Variants in KSR2 observed in about 807,000 individuals in gnomAD.
KSR2 encodes the protein kinase suppressor of ras 2.
A neutral mutation model predicts 107.8 loss-of-function variants in KSR2; 25 were observed. The observed-to-expected ratio is 0.23, with a 90% CI of 0.17 to 0.32. The LOEUF is 0.32. KSR2 is among the 10% of genes least tolerant of loss of function. KSR2 has a pLI of 1.00. For missense variants in KSR2, 887 were observed against 1,268.9 expected (o/e 0.70, Z 4.57); for synonymous variants, 480 against 507.0 (o/e 0.95, Z 0.71).
At chr12:117,723,354 C>T (rs1390989086) in intron 4 of KSR2, among the ~76,000 whole-genome samples, 1 of 152,160 alleles carries the variant, frequency 6.6e-6, no homozygotes, top group Non-Finnish European at 1.5e-5. Context: ...TCAACCAACC[C>T]ATCACAACAG....
rs534253629 is a variant in KSR2, at chr12:117,601,686, T to C, written c.1172-19327A>G. Among the ~76,000 whole-genome samples, 330 of 152,332 alleles carry C rather than the reference T, an allele frequency of 2.2e-3. 3 individuals are homozygous for C. The highest frequency in any genetic ancestry group is 3.6e-3 in the Non-Finnish European group (247 of 68,024). On this transcript the variant is annotated intron_variant, in intron 5 of 19. Transcript: ENST00000339824. ...ATGGCCCTGCCTACATCTTGATTTT[T>C]GGACTTCTAGCCTCCAGGACTGTGA...
At chr12:117,965,436 T>C (rs1437930237) in intron 1 of KSR2, among the ~76,000 whole-genome samples, 2 of 152,232 alleles carry the variant, frequency 1.3e-5, no homozygotes, top group Non-Finnish European at 2.9e-5. Context: ...CCCCATATTA[T>C]TTACCACTTA....
intron 3 of KSR2, among the ~76,000 whole-genome samples, chr12:117,777,750 C>G (rs1374442385): frequency 6.6e-6 from 1 of 152,102 alleles, no homozygotes; most frequent in East Asian, 1.9e-4. Flanking sequence ...TAATTTTTGG[C>G]CAGGTGCAGT....
At chr12:117,720,501 G>C (rs928048399) in intron 4 of KSR2, among the ~76,000 whole-genome samples, 7 of 152,182 alleles carry the variant, frequency 4.6e-5, no homozygotes, top group Non-Finnish European at 8.8e-5. Context: ...AAAGTAACAC[G>C]AGGCAGAGGC....
intron 1 of KSR2, among the ~76,000 whole-genome samples, chr12:117,925,745 C>T (rs1436315302): frequency 2.6e-5 from 4 of 152,098 alleles, no homozygotes; most frequent in Admixed American, 1.3e-4. Flanking sequence ...AACTGAGGTA[C>T]ACAGTTGCTC....
chr12:117,598,270 A>G (rs548525452), intron 5 of KSR2, among the ~76,000 whole-genome samples: 2 of 152,322 alleles, frequency 1.3e-5, no homozygotes, highest in South Asian at 4.1e-4. Context: ...ACTCAGAATA[A>G]TGGTCTCCAA....
chr12:117,900,161 G>T (rs1894639205), intron 1 of KSR2, among the ~76,000 whole-genome samples: 1 of 152,230 alleles, frequency 6.6e-6, no homozygotes, highest in South Asian at 2.1e-4. Context: ...CACCATGTTT[G>T]TGATGATTTG....
chr12:117,830,737 C>T (rs1457476237), intron 3 of KSR2, among the ~76,000 whole-genome samples: 2 of 152,136 alleles, frequency 1.3e-5, no homozygotes, highest in East Asian at 1.9e-4. Context: ...CAACCGATTC[C>T]TCTAAAAAGA....
At chr12:117,491,696 G>C (rs572995807) in intron 14 of KSR2, among the ~76,000 whole-genome samples, 3 of 152,328 alleles carry the variant, frequency 2.0e-5, no homozygotes, top group African/African-American at 7.2e-5. Context: ...TGAACCGGGG[G>C]AGCACAGATC....
intron 3 of KSR2, among the ~76,000 whole-genome samples, chr12:117,815,088 A>G (rs1286390336): frequency 2.0e-5 from 3 of 152,240 alleles, no homozygotes; most frequent in Non-Finnish European, 2.9e-5. Flanking sequence ...GTCAGGAAAG[A>G]GCACTCTTAG....
At chr12:117,778,167 A>G (rs562475606) in intron 3 of KSR2, among the ~76,000 whole-genome samples, 43 of 152,322 alleles carry the variant, frequency 2.8e-4, no homozygotes, top group Middle Eastern at 3.4e-3. Context: ...TCCAAGCACC[A>G]TCTCAGCTGA....
intron 4 of KSR2, among the ~76,000 whole-genome samples, chr12:117,758,242 T>C (rs1888865812): frequency 6.6e-6 from 1 of 152,200 alleles, no homozygotes; most frequent in Non-Finnish European, 1.5e-5. Flanking sequence ...AGTCTAATAA[T>C]TGGGACTCAC....
intron 3 of KSR2, among the ~76,000 whole-genome samples, chr12:117,782,999 A>AAACTTAAT (rs1328166967): frequency 2.0e-5 from 3 of 152,224 alleles, no homozygotes; most frequent in African/African-American, 7.2e-5. Flanking sequence ...TTTAAGGATA[A>AAACTTAAT]AAATGGTTTC....
rs145338094 is a variant in KSR2 at position 117,869,676 on chromosome 12, G to A, written c.181-9245C>T. Reference sequence around the variant, plus strand: ...TAGTAAGCCCTGAGGGTCTTTCCCCGTTAGTTCGTACAGATCTGCCTCGTT... The same window carrying A: ...TAGTAAGCCCTGAGGGTCTTTCCCCATTAGTTCGTACAGATCTGCCTCGTT... On this transcript the variant is annotated intron_variant, in intron 1 of 19. Coordinates refer to ENST00000339824, the MANE Select transcript of KSR2 (RefSeq NM_173598.6). Among the ~76,000 whole-genome samples the A allele has an allele frequency of 4.8e-3, 735 of 152,226 alleles. 4 individuals carry two copies. The highest frequency in any genetic ancestry group is 0.017 in the African/African-American group (688 of 41,516).
chr12:117,868,951 C>T (rs1252555442), intron 1 of KSR2, among the ~76,000 whole-genome samples: 1 of 151,930 alleles, frequency 6.6e-6, no homozygotes. Flanking sequence ...AGGTTTTGTG[C>T]CACGTTGACC....
At chr12:117,668,780 A>G (rs1884777459) in intron 4 of KSR2, among the ~76,000 whole-genome samples, 1 of 152,154 alleles carries the variant, frequency 6.6e-6, no homozygotes, top group Non-Finnish European at 1.5e-5. Context: ...CTTCAGAAGA[A>G]AGAATCTGCA....
intron 17 of KSR2, among the ~76,000 whole-genome samples, chr12:117,473,612 A>G (rs542401693): frequency 6.6e-6 from 1 of 152,318 alleles, no homozygotes; most frequent in East Asian, 1.9e-4. Flanking sequence ...AGACTCATCC[A>G]CCACTCATGT....
chr12:117,750,655 C>G (rs1888580745), intron 4 of KSR2, among the ~76,000 whole-genome samples: 1 of 152,016 alleles, frequency 6.6e-6, no homozygotes, highest in African/African-American at 2.4e-5. Flanking sequence ...TGTCCCTCTC[C>G]CTTCTCTCCC....
At chr12:117,670,197 T>C (rs1005563201) in intron 4 of KSR2, among the ~76,000 whole-genome samples, 4 of 152,132 alleles carry the variant, frequency 2.6e-5, no homozygotes, top group Non-Finnish European at 5.9e-5. Context: ...ACATTTAAAA[T>C]TTTTCAACTT....
Sources: allele counts gnomAD v4.1 joint callset (sites outside exome capture counted in the v4.1 genomes callset), GRCh38; gene constraint gnomAD v4.1.1; transcripts MANE v1.5; gene names NCBI Gene and HGNC (gene_info 2026-07-23, HGNC 2026-07-21).